LSM1: variants seen among roughly 807,000 people sequenced by gnomAD.
The protein encoded by LSM1 is LSM1 homolog, mRNA degradation associated, also known as U6 snRNA-associated Sm-like protein LSm1.
A neutral mutation model predicts 18.0 loss-of-function variants in LSM1; 13 were observed. The ratio of observed to expected loss-of-function variants is 0.72; its 90% CI spans 0.47 to 1.15. LSM1 has a LOEUF of 1.15. LSM1 is among the 50% of genes most tolerant of loss of function. The pLI, the probability that LSM1 is intolerant of heterozygous loss-of-function variation, is 0.00. For synonymous variants in LSM1, 46 were observed against 56.0 expected (o/e 0.82, Z 0.80); for missense variants, 152 against 157.7 (o/e 0.96, Z 0.19).
intron 3 of LSM1, among the ~76,000 whole-genome samples, chr8:38,167,328 T>C (rs1165135063): frequency 1.3e-5 from 2 of 152,232 alleles, no homozygotes; most frequent in African/African-American, 4.8e-5. Flanking sequence ...TTTACTACTA[T>C]AAAACAGAAG....
chr8:38,167,984 C>T (rs530003019), intron 3 of LSM1, among the ~76,000 whole-genome samples: 11 of 149,792 alleles, frequency 7.3e-5, no homozygotes, highest in South Asian at 4.2e-4. Flanking sequence ...TTTTTTGAGA[C>T]GGAATCTTGC....
At chr8:38,172,296 T>C (rs1214723078) in intron 1 of LSM1, among the ~76,000 whole-genome samples, 1 of 150,652 alleles carries the variant, frequency 6.6e-6, no homozygotes, top group Non-Finnish European at 1.5e-5. Context: ...TCTAGACCCT[T>C]ATGTTGGTTT....
chr8:38,168,227 C>G (rs145699114), intron 3 of LSM1, among the ~76,000 whole-genome samples: 10 of 149,494 alleles, frequency 6.7e-5, no homozygotes, highest in African/African-American at 2.4e-4. Flanking sequence ...TCCCGAAGTG[C>G]TGGGATTACA....
intron 1 of LSM1, among the ~76,000 whole-genome samples, chr8:38,175,240 C>T (rs1473100339): frequency 6.6e-6 from 1 of 151,950 alleles, no homozygotes; most frequent in East Asian, 2.0e-4. Flanking sequence ...CCATAGTGCC[C>T]AGCTAATTGT....
intron 1 of LSM1, among the ~76,000 whole-genome samples, chr8:38,175,326 C>G (rs1040128490): frequency 2.6e-5 from 4 of 152,046 alleles, no homozygotes; most frequent in Admixed American, 2.0e-4. Flanking sequence ...CCTCGGCCCC[C>G]CAAAGTGCTG....
At position 38,176,442 on chromosome 8, in the gene LSM1, A is replaced by G. The variant is rs753141786; in HGVS notation, c.-122T>C. 93 of 757,712 alleles carry G rather than the reference A, an allele frequency of 1.2e-4. No individual in the cohort carries two copies. Among genetic ancestry groups the G allele is most frequent in the Non-Finnish European group, 1.9e-4 (89 of 460,750 alleles). The allele number at this position is 757,712 out of a possible 1,614,324, so 46.9% of individuals were successfully genotyped here. On this transcript the variant is annotated 5_prime_UTR_variant, in exon 1 of 4. Coordinates refer to ENST00000311351, the MANE Select transcript of LSM1 (RefSeq NM_014462.3). ...GCCCGGAATCCCGACCGAGACCAGCACTTCTGCCCCGGCTTTCAGCCGCCG... is the reference window on the plus strand; with the variant it reads ...GCCCGGAATCCCGACCGAGACCAGCGCTTCTGCCCCGGCTTTCAGCCGCCG...
Position 38,172,571 on chromosome 8 carries a change from C to T in LSM1, c.47-538G>A, listed in dbSNP as rs186107949. Among the ~76,000 whole-genome samples, 298 of 152,296 alleles carry T rather than the reference C, an allele frequency of 2.0e-3. 3 individuals carry two copies. The highest frequency in any genetic ancestry group is 6.8e-3 in the African/African-American group (281 of 41,572). On this transcript the variant is annotated intron_variant, in intron 1 of 3. Transcript: ENST00000311351. ...TCCTGACTTCAGATGATCCATCCAC[C>T]TCCACCTCCCAAAGTGCTGGGATTA...
At chr8:38,171,120 T>C in intron 2 of LSM1, 1 of 269,218 alleles carries the variant, frequency 3.7e-6, no homozygotes, top group Non-Finnish European at 7.9e-6. Context: ...AGTATTAAGC[T>C]TAATGTTGGG....
At chr8:38,170,124 C>T (rs1028752763) in intron 2 of LSM1, among the ~76,000 whole-genome samples, 3 of 152,184 alleles carry the variant, frequency 2.0e-5, no homozygotes, top group Non-Finnish European at 2.9e-5. Context: ...TCACTGCAAC[C>T]TCTGCCTACT....
chr8:38,166,826 C>T (rs1364700085), intron 3 of LSM1, among the ~76,000 whole-genome samples: 1 of 152,226 alleles, frequency 6.6e-6, no homozygotes, highest in Non-Finnish European at 1.5e-5. Flanking sequence ...CCATGAGTAG[C>T]AGCTAAAGAG....
intron 3 of LSM1, among the ~76,000 whole-genome samples, 182 bp from the exon 4 acceptor site, chr8:38,164,022 G>GGATA (rs1379479658): frequency 6.6e-6 from 1 of 152,058 alleles, no homozygotes; most frequent in Non-Finnish European, 1.5e-5. Flanking sequence ...CACTACTATA[G>GGATA]GATACATACT....
chr8:38,171,008 A>G (rs1467846763), intron 2 of LSM1: 1 of 438,896 alleles, frequency 2.3e-6, no homozygotes, highest in Admixed American at 2.5e-5. Context: ...ATGAACATGA[A>G]GTTCCTTGAA....
At chr8:38,176,636 C>T (rs1803153536), upstream of LSM1, 1 of 571,628 alleles carries the variant, frequency 1.7e-6, no homozygotes, top group African/African-American at 1.9e-5. Context: ...CGTATACTCC[C>T]TCTTAAGGAA....
chr8:38,175,379 AT>A (rs1803113364), intron 1 of LSM1, among the ~76,000 whole-genome samples: 1 of 152,186 alleles, frequency 6.6e-6, no homozygotes, highest in African/African-American at 2.4e-5. Flanking sequence ...GTAAAATGAA[AT>A]TTTAACCATA....
chr8:38,166,267 C>G (rs1273345354), intron 3 of LSM1: 1 of 152,296 alleles, frequency 6.6e-6, no homozygotes, highest in African/African-American at 2.4e-5. Flanking sequence ...CAGGCATGTG[C>G]CACCACATCT....
chr8:38,171,458 G>A (rs1054197282), intron 2 of LSM1, among the ~76,000 whole-genome samples: 1 of 152,232 alleles, frequency 6.6e-6, no homozygotes, highest in Non-Finnish European at 1.5e-5. Flanking sequence ...CCTAAGGTCA[G>A]GAGTTTGAAA....
Position 38,176,437 on chromosome 8 carries a change from C to A in LSM1, c.-117G>T. 1 of 792,872 alleles carries A rather than the reference C, an allele frequency of 1.3e-6. No homozygotes were observed. The highest frequency in any genetic ancestry group is 1.6e-5 in the South Asian group (1 of 62,190). 49.1% of individuals were successfully genotyped at this position (792,872 alleles called of 1,614,324 possible). A position where few individuals can be genotyped will look rare whatever the true frequency, so the allele number is the denominator to read the frequency against. The stretch of plus-strand genomic sequence containing the variant: ...ACCAAGCCCGGAATCCCGACCGAGA[C>A]CAGCACTTCTGCCCCGGCTTTCAGC... On this transcript the variant is annotated 5_prime_UTR_variant, in exon 1 of 4. Transcript: ENST00000311351.
At chr8:38,167,923 T>C (rs904218923) in intron 3 of LSM1, among the ~76,000 whole-genome samples, 8 of 151,582 alleles carry the variant, frequency 5.3e-5, no homozygotes, top group African/African-American at 9.7e-5. Context: ...TACAGTCATG[T>C]AGTGTCTCCC....
In LSM1 at chr8:38,176,287, C is replaced by G; in HGVS notation, c.34G>C (p.Glu12Gln). 6.2e-7 allele frequency: 1 copy of G among 1,613,700 alleles called. No individual in the cohort carries two copies. Among genetic ancestry groups the G allele is most frequent in the Non-Finnish European group, 8.5e-7 (1 of 1,179,824 alleles). ...NYMPGTASLIEDIDKKHLVLL... is the reference protein window; with the variant it reads ...NYMPGTASLIQDIDKKHLVLL... ...ATAAACTACTCACTGTCAATGTCCT[C>G]GATGAGGCTGGCGGTGCCAGGCATA... The change falls in exon 1 of 4, where the codon GAG becomes CAG. Residue 12 changes from glutamate to glutamine, a missense_variant. Transcript: ENST00000311351.
Sources: gnomAD v4.1 joint callset for allele counts (sites outside exome capture counted in the v4.1 genomes callset) on GRCh38, gnomAD v4.1.1 for gene constraint, MANE v1.5 for transcripts, NCBI Gene and HGNC (gene_info 2026-07-23, HGNC 2026-07-21) for gene names.